Variants in TBC1D5 observed in about 807,000 individuals in gnomAD.
TBC1D5 encodes TBC1 domain family member 5.
TBC1D5 carries 75 observed loss-of-function variants against 100.3 expected under a neutral mutation model. That is an observed-to-expected ratio of 0.75 (90% confidence interval 0.62 to 0.91). The LOEUF is 0.91. Among genes scored for constraint, TBC1D5 ranks in the 40% least tolerant of loss-of-function variants. The pLI is 0.00. For synonymous variants in TBC1D5, 323 were observed against 325.6 expected (o/e 0.99, Z 0.09); for missense variants, 910 against 942.4 (o/e 0.97, Z 0.45).
At chr3:17,185,702 T>TA (rs5846952) in intron 18 of TBC1D5, among the ~76,000 whole-genome samples, 59,357 of 146,530 alleles carry the variant, frequency 0.41, 12,340 homozygotes, top group Middle Eastern at 0.49. Context: ...TTTGTAAAAA[T>TA]AAAAAAAAAA....
intron 2 of TBC1D5, among the ~76,000 whole-genome samples, chr3:17,610,440 G>T (rs1000857950): frequency 6.6e-6 from 1 of 152,106 alleles, no homozygotes. Context: ...GCCTGCCTCA[G>T]CCTCTCAAAG....
intron 13 of TBC1D5, among the ~76,000 whole-genome samples, chr3:17,360,813 G>T (rs1275448020): frequency 6.6e-6 from 1 of 151,652 alleles, no homozygotes; most frequent in Non-Finnish European, 1.5e-5. Context: ...CTCATTAGAA[G>T]GTAAATACTT....
At chr3:17,687,167 T>C (rs1166241394) in intron 1 of TBC1D5, among the ~76,000 whole-genome samples, 1 of 152,188 alleles carries the variant, frequency 6.6e-6, no homozygotes, top group Non-Finnish European at 1.5e-5. Flanking sequence ...TATTCTTCAC[T>C]TATATGACTA....
chr3:17,352,690 AAAAAAAAAAC>A lies in TBC1D5; in HGVS notation c.995+19375_995+19384del, dbSNP rs1225190039. Among the ~76,000 whole-genome samples, 155 of 151,078 alleles carry A rather than the reference AAAAAAAAAAC, an allele frequency of 1.0e-3. 3 individuals carry two copies. The South Asian group carries it at 0.018, about 18-fold the overall frequency. On this transcript the variant is annotated intron_variant, in intron 13 of 21. Transcript: ENST00000253692. ...ACAATACAAAGCAAAAGGCAAAAAA[AAAAAAAAAAC>A]AAAAAAACCTACTGTGCACTCCAAC...
At chr3:17,686,185 G>A (rs555888195) in intron 1 of TBC1D5, among the ~76,000 whole-genome samples, 7 of 152,226 alleles carry the variant, frequency 4.6e-5, no homozygotes, top group South Asian at 4.1e-4. Context: ...GAAAGAACAC[G>A]ATGAGATCCC....
chr3:17,348,293 C>A (rs1324022954), intron 13 of TBC1D5, among the ~76,000 whole-genome samples: 1 of 152,194 alleles, frequency 6.6e-6, no homozygotes, highest in African/African-American at 2.4e-5. Context: ...CACTATCAAT[C>A]TTTGACCAAA....
chr3:17,361,112 T>A (rs73145883), intron 13 of TBC1D5, among the ~76,000 whole-genome samples: 57 of 152,002 alleles, frequency 3.7e-4, no homozygotes, highest in Non-Finnish European at 7.1e-4. Context: ...ATGTCCATTA[T>A]ATTTAAAAGT....
At chr3:17,290,386 A>T (rs1017143619) in intron 15 of TBC1D5, among the ~76,000 whole-genome samples, 1 of 152,218 alleles carries the variant, frequency 6.6e-6, no homozygotes, top group Non-Finnish European at 1.5e-5. Context: ...TGAGTGAGTG[A>T]TTCACAGAAA....
At chr3:17,706,346 T>C in intron 1 of TBC1D5, 1 of 1,295,884 alleles carries the variant, frequency 7.7e-7, no homozygotes, top group Non-Finnish European at 1.0e-6. Flanking sequence ...AGAGCACATA[T>C]TTTATATTTG....
At chr3:17,166,357 A>G (rs954440832) in intron 21 of TBC1D5, among the ~76,000 whole-genome samples, 2 of 152,212 alleles carry the variant, frequency 1.3e-5, no homozygotes, top group Non-Finnish European at 2.9e-5. Flanking sequence ...AAAAGGTTCT[A>G]GCGAAGTGAA....
chr3:17,514,888 T>A (rs895162236), intron 2 of TBC1D5, among the ~76,000 whole-genome samples: 3 of 152,028 alleles, frequency 2.0e-5, no homozygotes, highest in African/African-American at 7.2e-5. Context: ...AAACCTTTTA[T>A]TATGATGTAG....
In TBC1D5 at chr3:17,165,487, G is replaced by A. The variant is rs542682804; in HGVS notation, c.2094+1280C>T. ...GTGAAGAAACGAATGAAATTAAACTGGCAGTATCACTGTTGCATTCATGTG... is the reference window on the plus strand; with the variant it reads ...GTGAAGAAACGAATGAAATTAAACTAGCAGTATCACTGTTGCATTCATGTG... On this transcript the variant is annotated intron_variant, in intron 21 of 21. Transcript: ENST00000253692. Among the ~76,000 whole-genome samples, 12 of 152,316 alleles carry A rather than the reference G, an allele frequency of 7.9e-5. No homozygotes were observed. The East Asian group carries it at 2.1e-3, about 27-fold the overall frequency.
chr3:17,170,553 C>T (rs935815035), intron 19 of TBC1D5, among the ~76,000 whole-genome samples: 4 of 152,142 alleles, frequency 2.6e-5, no homozygotes, highest in East Asian at 1.9e-4. Flanking sequence ...CATCCTAAAA[C>T]GAAAAGATGT....
intron 3 of TBC1D5, among the ~76,000 whole-genome samples, chr3:17,471,596 G>A (rs1490043928): frequency 6.0e-5 from 8 of 132,738 alleles, no homozygotes; most frequent in Non-Finnish European, 9.1e-5. Context: ...GCGTGAACCC[G>A]GGAGGCGGAG....
intron 8 of TBC1D5, among the ~76,000 whole-genome samples, chr3:17,402,581 C>G (rs1278510817): frequency 6.6e-6 from 1 of 152,112 alleles, no homozygotes; most frequent in African/African-American, 2.4e-5. Flanking sequence ...ACAATTACAG[C>G]ATCCGTTAGT....
chr3:17,685,843 C>A (rs2070193533), intron 1 of TBC1D5, among the ~76,000 whole-genome samples: 1 of 152,052 alleles, frequency 6.6e-6, no homozygotes, highest in African/African-American at 2.4e-5. Flanking sequence ...TGACAGTTTT[C>A]CTATCTTCAC....
chr3:17,255,571 C>T lies in TBC1D5; in HGVS notation c.1331+2935G>A, dbSNP rs371428127. 6.5e-4 allele frequency among the ~76,000 whole-genome samples: 99 copies of T among 152,244 alleles called. No homozygotes were observed. In the Middle Eastern group the frequency reaches 0.017, roughly 26 times the overall value. On this transcript the variant is annotated intron_variant, in intron 16 of 21. Coordinates refer to ENST00000253692, the Ensembl canonical transcript of TBC1D5. The stretch of plus-strand genomic sequence containing the variant: ...TGATATTATATTTTGCCAGTTACAT[C>T]CACTACAAATATTTTCCTAATTTTT...
chr3:17,472,988 T>C (rs1318940320), intron 3 of TBC1D5, among the ~76,000 whole-genome samples: 1 of 152,162 alleles, frequency 6.6e-6, no homozygotes, highest in Admixed American at 6.5e-5. Context: ...TGAAATACAA[T>C]GAAGAGAAAA....
intron 8 of TBC1D5, among the ~76,000 whole-genome samples, chr3:17,401,332 CATAT>C (rs1491352143): frequency 7.7e-5 from 1 of 12,976 alleles, no homozygotes; most frequent in Non-Finnish European, 1.3e-4. Context: ...GTATAATATA[CATAT>C]ATGTATAATA....
Sources: gnomAD v4.1 joint callset for allele counts (sites outside exome capture counted in the v4.1 genomes callset) on GRCh38, gnomAD v4.1.1 for gene constraint, MANE v1.5 for transcripts, NCBI Gene and HGNC (gene_info 2026-07-23, HGNC 2026-07-21) for gene names.